SUPT3H: variants seen among roughly 807,000 people sequenced by gnomAD.
The protein encoded by SUPT3H is transcription initiation protein SPT3 homolog.
In SUPT3H, 44 loss-of-function variants were observed where a neutral mutation model predicts 44.3. The ratio of observed to expected loss-of-function variants is 0.99; its 90% CI spans 0.78 to 1.28. SUPT3H has a LOEUF of 1.28. SUPT3H is among the 50% of genes most tolerant of loss of function. The pLI is 0.00. For missense variants in SUPT3H, 380 were observed against 387.1 expected (o/e 0.98, Z 0.15); for synonymous variants, 124 against 125.6 (o/e 0.99, Z 0.09).
chr6:45,239,618 G>A (rs996626500), intron 2 of SUPT3H, among the ~76,000 whole-genome samples: 1 of 152,104 alleles, frequency 6.6e-6, no homozygotes, highest in Non-Finnish European at 1.5e-5. Context: ...TCTCACTTTG[G>A]GCTACATGCC....
chr6:45,018,736 G>A (rs1462466183), intron 4 of SUPT3H, among the ~76,000 whole-genome samples: 2 of 152,010 alleles, frequency 1.3e-5, no homozygotes, highest in Non-Finnish European at 2.9e-5. Flanking sequence ...ATGTGCTGCT[G>A]GATTCAGTTT....
At chr6:45,064,743 T>A (rs1212702302) in intron 3 of SUPT3H, among the ~76,000 whole-genome samples, 5 of 141,488 alleles carry the variant, frequency 3.5e-5, no homozygotes, top group Non-Finnish European at 7.7e-5. Context: ...AGGGATCAAT[T>A]CAACAAGAAG....
At chr6:45,373,486 G>A (rs552341824) in intron 1 of SUPT3H, among the ~76,000 whole-genome samples, 4 of 152,188 alleles carry the variant, frequency 2.6e-5, no homozygotes, top group African/African-American at 7.2e-5. Flanking sequence ...GTTGTTTTCC[G>A]TAGAAAATAT....
At chr6:45,345,518 G>A (rs182652274) in intron 2 of SUPT3H, among the ~76,000 whole-genome samples, 22 of 152,162 alleles carry the variant, frequency 1.4e-4, no homozygotes, top group African/African-American at 3.9e-4. Context: ...TTAATGGCAC[G>A]ATCAGCTTGC....
intron 2 of SUPT3H, among the ~76,000 whole-genome samples, chr6:45,314,560 T>C (rs1166515043): frequency 4.8e-4 from 73 of 152,080 alleles, no homozygotes; most frequent in Non-Finnish European, 4.4e-5. Context: ...AATAATAAAA[T>C]ACTTAGGAAT....
At chr6:44,823,031 T>C (rs896382100), downstream of SUPT3H, among the ~76,000 whole-genome samples, 4 of 150,354 alleles carry the variant, frequency 2.7e-5, no homozygotes, top group Non-Finnish European at 5.9e-5. Flanking sequence ...GGCAGGAGAA[T>C]TGCTTGAACC....
intron 2 of SUPT3H, among the ~76,000 whole-genome samples, chr6:45,112,223 A>C (rs1051973977): frequency 1.3e-5 from 2 of 152,174 alleles, no homozygotes; most frequent in Admixed American, 6.5e-5. Flanking sequence ...TGAGAAAATC[A>C]AATTGCACAG....
At chr6:45,112,525 A>T (rs1270018032) in intron 2 of SUPT3H, among the ~76,000 whole-genome samples, 1 of 152,180 alleles carries the variant, frequency 6.6e-6, no homozygotes, top group Non-Finnish European at 1.5e-5. Flanking sequence ...TTAAATTTCC[A>T]AGCCCTGATT....
chr6:45,257,720 G>A (rs1011057111), intron 2 of SUPT3H, among the ~76,000 whole-genome samples: 10 of 152,012 alleles, frequency 6.6e-5, no homozygotes, highest in Non-Finnish European at 1.0e-4. Flanking sequence ...AGAACAAGAG[G>A]GAGCCAAACT....
rs1345223086 is a variant in SUPT3H at position 45,288,575 on chromosome 6, A to G, written c.101+76626T>C. On this transcript the variant is annotated intron_variant, in intron 2 of 10. Transcript: ENST00000371459. ...TATATATATATATATGTATATATATATATATATGTATATATATATATGTGT... is the reference window on the plus strand; with the variant it reads ...TATATATATATATATGTATATATATGTATATATGTATATATATATATGTGT... Among the ~76,000 whole-genome samples, 180 of 33,036 alleles carry G rather than the reference A, an allele frequency of 5.4e-3. 1 individual carries two copies. Among genetic ancestry groups the G allele is most frequent in the African/African-American group, 0.012 (136 of 11,730 alleles). The allele number at this position is 33,036 out of a possible 152,430, so 21.7% of individuals were successfully genotyped here. A position where few individuals can be genotyped will look rare whatever the true frequency, so the allele number is the denominator to read the frequency against.
chr6:44,888,054 G>T (rs543235640), intron 10 of SUPT3H, among the ~76,000 whole-genome samples: 1 of 152,094 alleles, frequency 6.6e-6, no homozygotes, highest in Admixed American at 6.5e-5. Flanking sequence ...ACCCTCCCAA[G>T]ACTAAACCAG....
At chr6:44,882,821 G>A (rs1004680700) in intron 10 of SUPT3H, among the ~76,000 whole-genome samples, 1 of 152,094 alleles carries the variant, frequency 6.6e-6, no homozygotes, top group Admixed American at 6.6e-5. Flanking sequence ...AAAGGCCTTC[G>A]ATAAAATTCA....
intron 2 of SUPT3H, among the ~76,000 whole-genome samples, chr6:45,239,442 A>G (rs1459225915): frequency 4.6e-5 from 7 of 152,238 alleles, no homozygotes; most frequent in Admixed American, 1.3e-4. Context: ...AAGAAGCTAA[A>G]GCTATTATCC....
chr6:45,056,462 A>G (rs1159860316), intron 3 of SUPT3H, among the ~76,000 whole-genome samples: 5 of 152,242 alleles, frequency 3.3e-5, no homozygotes, highest in Admixed American at 6.5e-5. Flanking sequence ...TGGATAAAGA[A>G]AATGTATAGG....
At chr6:44,852,540 GCTTT>G (rs1265399195) in intron 10 of SUPT3H, among the ~76,000 whole-genome samples, 1 of 152,102 alleles carries the variant, frequency 6.6e-6, no homozygotes, top group African/African-American at 2.4e-5. Context: ...CTTCTCCCAA[GCTTT>G]CTGTTACTTT....
At chr6:45,024,923 A>T (rs888190323) in intron 3 of SUPT3H, among the ~76,000 whole-genome samples, 1 of 152,170 alleles carries the variant, frequency 6.6e-6, no homozygotes, top group Non-Finnish European at 1.5e-5. Context: ...CTGAAACATC[A>T]GGTTTTCTTG....
chr6:45,339,430 T>C (rs1214140284), intron 2 of SUPT3H, among the ~76,000 whole-genome samples: 1 of 152,190 alleles, frequency 6.6e-6, no homozygotes, highest in Non-Finnish European at 1.5e-5. Flanking sequence ...ATCCAAAATA[T>C]ATTAATTCCA....
intron 10 of SUPT3H, among the ~76,000 whole-genome samples, chr6:44,877,645 T>A (rs186856663): frequency 1.3e-5 from 2 of 152,310 alleles, no homozygotes; most frequent in East Asian, 3.9e-4. Flanking sequence ...AGGAACAGTT[T>A]ATGTGTGTGT....
intron 3 of SUPT3H, among the ~76,000 whole-genome samples, chr6:45,088,856 T>C (rs1325545247): frequency 6.6e-6 from 1 of 152,062 alleles, no homozygotes; most frequent in East Asian, 1.9e-4. Context: ...TTATTCTCTG[T>C]GATATGGAAT....
Sources: gnomAD v4.1 joint callset for allele counts (sites outside exome capture counted in the v4.1 genomes callset) on GRCh38, gnomAD v4.1.1 for gene constraint, MANE v1.5 for transcripts, NCBI Gene and HGNC (gene_info 2026-07-23, HGNC 2026-07-21) for gene names.